The following CHN1 variants were observed in gnomAD, a reference collection of about 807,000 sequenced individuals.
The protein encoded by CHN1 is N-chimaerin.
CHN1 carries 37 observed loss-of-function variants against 59.5 expected under a neutral mutation model. That is an observed-to-expected ratio of 0.62 (90% CI 0.48 to 0.82). The LOEUF (loss-of-function observed/expected upper bound fraction) is 0.82, where lower values mean the gene tolerates loss of function less well. Ranked by LOEUF, CHN1 falls within the 40% of genes least tolerant of loss-of-function variation. CHN1 has a pLI of 0.00. For synonymous variants in CHN1, 206 were observed against 200.4 expected (o/e 1.03, Z -0.24); for missense variants, 469 against 571.0 (o/e 0.82, Z 1.82).
In CHN1 at chr2:174,840,775, T is replaced by C. The variant is rs539625980; in HGVS notation, c.627+6105A>G. Among the ~76,000 whole-genome samples, 6 of 152,298 alleles carry C rather than the reference T, an allele frequency of 3.9e-5. No individual in the cohort carries two copies. In the South Asian group the frequency reaches 1.2e-3, roughly 32 times the overall value. On this transcript the variant is annotated intron_variant, in intron 7 of 12. Transcript: ENST00000409900. The stretch of plus-strand genomic sequence containing the variant: ...TGAGTTAGTATGTTCAACAGCAATT[T>C]TTCATACATATATTGAAAGAGCCAA...
chr2:174,865,103 T>C (rs1574103401), intron 6 of CHN1, among the ~76,000 whole-genome samples: 1 of 152,190 alleles, frequency 6.6e-6, no homozygotes, highest in African/African-American at 2.4e-5. Context: ...ATTTTATTTT[T>C]CTACATTAAA....
In CHN1 at chr2:174,949,313, A is replaced by C. The variant is rs115290011; in HGVS notation, c.58+2851T>G. Among the ~76,000 whole-genome samples, 1,488 of 152,348 alleles carry C rather than the reference A, an allele frequency of 9.8e-3. 26 individuals are homozygous for C. The highest frequency in any genetic ancestry group is 0.034 in the African/African-American group (1,402 of 41,584). Reference sequence around the variant, plus strand: ...TATATGATCATAAAAAGTCATCGTTAGAATGCATTTATTTATTTAACATGA... The same window carrying C: ...TATATGATCATAAAAAGTCATCGTTCGAATGCATTTATTTATTTAACATGA... On this transcript the variant is annotated intron_variant, in intron 2 of 12. Coordinates refer to ENST00000409900, the MANE Select transcript of CHN1 (RefSeq NM_001822.7).
At chr2:174,908,646 A>G (rs1310027086) in intron 5 of CHN1, among the ~76,000 whole-genome samples, 1 of 152,194 alleles carries the variant, frequency 6.6e-6, no homozygotes, top group Admixed American at 6.5e-5. Context: ...TTGGTAAGCC[A>G]GTCTACCTTT....
intron 6 of CHN1, 89 bp downstream of exon 6, chr2:174,877,751 G>A: frequency 8.4e-7 from 1 of 1,192,510 alleles, no homozygotes; most frequent in Non-Finnish European, 1.2e-6. Context: ...CCAAAGCACT[G>A]TGGATAAATC....
intron 2 of CHN1, among the ~76,000 whole-genome samples, chr2:174,951,168 G>A (rs768288423): frequency 2.0e-5 from 3 of 152,120 alleles, no homozygotes; most frequent in South Asian, 2.1e-4. Context: ...TTACACATTC[G>A]TATAACTATA....
At chr2:174,960,527 A>C (rs969551852) in intron 1 of CHN1, among the ~76,000 whole-genome samples, 1 of 152,224 alleles carries the variant, frequency 6.6e-6, no homozygotes, top group Non-Finnish European at 1.5e-5. Flanking sequence ...ATATTTATTG[A>C]TATTAGCCAC....
In CHN1 at chr2:174,948,353, A is replaced by T. The variant is rs1444574305; in HGVS notation, c.59-3410T>A. Among the ~76,000 whole-genome samples the T allele has an allele frequency of 1.3e-5, 2 of 152,210 alleles. 1 individual carries two copies. The highest frequency in any genetic ancestry group is 2.9e-5 in the Non-Finnish European group (2 of 68,040). ...TCTACAGACAAGGTCTCCACGGTCA[A>T]CTTACTCATAGTCCTAATCTGGCTT... On this transcript the variant is annotated intron_variant, in intron 2 of 12. Transcript: ENST00000409900.
At chr2:174,856,034 C>A (rs991130517) in intron 6 of CHN1, among the ~76,000 whole-genome samples, 1 of 151,804 alleles carries the variant, frequency 6.6e-6, no homozygotes, top group African/African-American at 2.4e-5. Flanking sequence ...ATTCCAGTGC[C>A]GCTCAGATCA....
intron 7 of CHN1, among the ~76,000 whole-genome samples, chr2:174,831,684 A>G (rs971096681): frequency 1.3e-5 from 2 of 152,190 alleles, no homozygotes; most frequent in Admixed American, 6.5e-5. Context: ...AAGTTTCAGA[A>G]GACAATTTCT....
chr2:174,881,464 T>C (rs61602669), intron 5 of CHN1, among the ~76,000 whole-genome samples: 47,291 of 151,994 alleles, frequency 0.31, 9,155 homozygotes, highest in Admixed American at 0.45. Context: ...ATCTAAAAAA[T>C]AGGAATAACA....
At chr2:174,873,997 TAAAG>T (rs1181042783) in intron 6 of CHN1, among the ~76,000 whole-genome samples, 1 of 152,210 alleles carries the variant, frequency 6.6e-6, no homozygotes, top group Non-Finnish European at 1.5e-5. Flanking sequence ...AATCCCAAAG[TAAAG>T]ACATCCTGCC....
intron 5 of CHN1, among the ~76,000 whole-genome samples, chr2:174,891,162 A>G (rs1303533661): frequency 5.3e-5 from 8 of 149,926 alleles, no homozygotes; most frequent in East Asian, 3.9e-4. Flanking sequence ...AAAAAAAAAA[A>G]AAAGAAAAAA....
Position 174,955,588 on chromosome 2 carries a change from C to T in CHN1, c.20-3386G>A, listed in dbSNP as rs557803927. ...ATTCTCAGAAATCACCACTAAAGAA[C>T]TTATTCATGTAACCAAACACCACCT... is the stretch of plus-strand genomic sequence containing the variant. On this transcript the variant is annotated intron_variant, in intron 1 of 12. Transcript: ENST00000409900. Among the ~76,000 whole-genome samples, 57 of 151,806 alleles carry T rather than the reference C, an allele frequency of 3.8e-4. No individual in the cohort carries two copies. The South Asian group carries it at 0.011, about 30-fold the overall frequency.
At position 174,875,397 on chromosome 2, in the gene CHN1, G is replaced by A. The variant is rs148505220; in HGVS notation, c.549+2443C>T. On this transcript the variant is annotated intron_variant, in intron 6 of 12. Coordinates refer to ENST00000409900, the MANE Select transcript of CHN1 (RefSeq NM_001822.7). ...GACCTCACTTCTCAGGACCATATCA[G>A]GTATTCCTTTTGGTACTATTGTTGT... 4.5e-3 allele frequency among the ~76,000 whole-genome samples: 679 copies of A among 152,154 alleles called. 6 individuals are homozygous for A. Among genetic ancestry groups the A allele is most frequent in the African/African-American group, 0.015 (639 of 41,494 alleles).
intron 1 of CHN1, among the ~76,000 whole-genome samples, chr2:174,968,164 G>C (rs1025056203): frequency 1.3e-5 from 2 of 152,146 alleles, no homozygotes; most frequent in African/African-American, 2.4e-5. Context: ...GAGAGATAAG[G>C]CTCCTATTAC....
rs1404849032 is a variant in CHN1 at position 174,799,942 on chromosome 2, T to C, written c.*174A>G. On this transcript the variant is annotated 3_prime_UTR_variant, in exon 13 of 13. Transcript: ENST00000409900. ...CTAGAACCAGAAAGCGTGTGTTCAC[T>C]GTTTTACAAGACAGCTGAGCGGTGC... 9 of 703,666 alleles carry C rather than the reference T, an allele frequency of 1.3e-5. No homozygotes were observed. The highest frequency in any genetic ancestry group is 2.3e-5 in the Non-Finnish European group (9 of 392,370). 43.6% of individuals were successfully genotyped at this position (703,666 alleles called of 1,614,324 possible).
At chr2:175,001,657 T>C (rs1230486394) in intron 1 of CHN1, among the ~76,000 whole-genome samples, 1 of 152,180 alleles carries the variant, frequency 6.6e-6, no homozygotes, top group African/African-American at 2.4e-5. Context: ...TCTACCCAGA[T>C]AGAGGACCAT....
Position 174,857,490 on chromosome 2 carries a change from C to T in CHN1, c.550-10533G>A, listed in dbSNP as rs533564295. ...TATTGGTAACAACCTATACTATAAA[C>T]GGAACATGTCCTTATTCTGAATTAT... On this transcript the variant is annotated intron_variant, in intron 6 of 12. Coordinates refer to ENST00000409900, the MANE Select transcript of CHN1 (RefSeq NM_001822.7). Among the ~76,000 whole-genome samples the T allele has an allele frequency of 8.5e-5, 13 of 152,104 alleles. No homozygotes were observed. In the South Asian group the frequency reaches 2.3e-3, roughly 27 times the overall value.
rs774260020 is a variant in CHN1, at chr2:174,952,179, C to T, written c.43G>A (p.Val15Ile). 6.2e-6 allele frequency: 9 copies of T among 1,458,168 alleles called. No individual in the cohort carries two copies. The highest frequency in any genetic ancestry group is 8.2e-6 in the Non-Finnish European group (9 of 1,101,962). The allele number at this position is 1,458,168 out of a possible 1,614,324, so 90.3% of individuals were successfully genotyped here. ...GTAGACTTACAGTAAGATTTCCAAACAGGAGGTCTATATTCATCTGTATCT... is the reference window on the plus strand; with the variant it reads ...GTAGACTTACAGTAAGATTTCCAAATAGGAGGTCTATATTCATCTGTATCT... The part of the protein sequence containing the change: ...LFDTDEYRPP[V>I]WKSYLYQLQQ... The change falls in exon 2 of 13, where the codon GTT becomes ATT. Residue 15 changes from valine (V) to isoleucine (I), a missense_variant. By Grantham distance (29) the Val-to-Ile change is conservative. Coordinates refer to ENST00000409900, the MANE Select transcript of CHN1 (RefSeq NM_001822.7).
Sources: allele counts gnomAD v4.1 joint callset (sites outside exome capture counted in the v4.1 genomes callset), GRCh38; gene constraint gnomAD v4.1.1; transcripts MANE v1.5; gene names NCBI Gene and HGNC (gene_info 2026-07-23, HGNC 2026-07-21).